PTPN1: variants seen among roughly 807,000 people sequenced by gnomAD.
PTPN1 encodes the protein tyrosine-protein phosphatase non-receptor type 1.
A neutral mutation model predicts 59.9 loss-of-function variants in PTPN1; 12 were observed. That is an observed-to-expected ratio of 0.20 (90% CI 0.13 to 0.32). The LOEUF is 0.32. Ranked by LOEUF, PTPN1 falls within the 10% of genes least tolerant of loss-of-function variation. The pLI is 1.00. For missense variants in PTPN1, 356 were observed against 549.2 expected (o/e 0.65, Z 3.52); for synonymous variants, 178 against 203.6 (o/e 0.87, Z 1.07).
chr20:50,574,138 G>A (rs2082824246), intron 4 of PTPN1: 1 of 169,400 alleles, frequency 5.9e-6, no homozygotes, highest in Non-Finnish European at 1.2e-5. Flanking sequence ...TACATTCTAT[G>A]CCAGCAGCCT....
intron 1 of PTPN1, among the ~76,000 whole-genome samples, chr20:50,553,328 T>C (rs1191618921): frequency 6.6e-6 from 1 of 152,154 alleles, no homozygotes; most frequent in Non-Finnish European, 1.5e-5. Flanking sequence ...AGGAGGCAGA[T>C]TGGGGTTCAA....
At chr20:50,545,363 T>C (rs1208714009) in intron 1 of PTPN1, among the ~76,000 whole-genome samples, 1 of 152,172 alleles carries the variant, frequency 6.6e-6, no homozygotes, top group Non-Finnish European at 1.5e-5. Flanking sequence ...ATGGGTTGTG[T>C]TTCTTGTAAC....
At chr20:50,527,312 G>A (rs562792846) in intron 1 of PTPN1, among the ~76,000 whole-genome samples, 1 of 152,126 alleles carries the variant, frequency 6.6e-6, no homozygotes, top group East Asian at 1.9e-4. Context: ...ATCTTCCAGG[G>A]AAGTGAGGCT....
intron 1 of PTPN1, among the ~76,000 whole-genome samples, chr20:50,547,899 CT>C (rs1204698404): frequency 4.6e-5 from 7 of 152,108 alleles, no homozygotes; most frequent in Admixed American, 1.3e-4. Flanking sequence ...ACAATGGTCC[CT>C]TTTTATTGTA....
At chr20:50,526,853 T>C (rs1187446166) in intron 1 of PTPN1, among the ~76,000 whole-genome samples, 1 of 152,120 alleles carries the variant, frequency 6.6e-6, no homozygotes, top group Non-Finnish European at 1.5e-5. Flanking sequence ...TGGAGCAGGC[T>C]CTTCCCCTGT....
intron 1 of PTPN1, among the ~76,000 whole-genome samples, chr20:50,545,786 C>T (rs2082672570): frequency 6.6e-6 from 1 of 152,072 alleles, no homozygotes; most frequent in Non-Finnish European, 1.5e-5. Context: ...GAGGCCAAGG[C>T]AGGCAGATCG....
Position 50,517,281 on chromosome 20 carries a change from G to A in PTPN1, c.63+6691G>A, listed in dbSNP as rs144395062. On this transcript the variant is annotated intron_variant, in intron 1 of 9. Coordinates refer to ENST00000371621, the MANE Select transcript of PTPN1 (RefSeq NM_002827.4). The stretch of plus-strand genomic sequence containing the variant: ...TTTTTAATATTTTTTTTGAGATGGG[G>A]TCTTGCTGTGTCGTCCAGGCTGGAG... Among the ~76,000 whole-genome samples, 565 of 152,182 alleles carry A rather than the reference G, an allele frequency of 3.7e-3. 1 individual carries two copies. Among genetic ancestry groups the A allele is most frequent in the African/African-American group, 0.013 (545 of 41,506 alleles).
intron 1 of PTPN1, among the ~76,000 whole-genome samples, chr20:50,538,930 C>T (rs960294608): frequency 3.3e-5 from 5 of 151,796 alleles, no homozygotes; most frequent in Admixed American, 6.6e-5. Flanking sequence ...GCCTCTGCCT[C>T]GGACATAGCT....
In PTPN1 at chr20:50,568,938, G is replaced by C. The variant is rs1290887541; in HGVS notation, c.354+460G>C. The stretch of plus-strand genomic sequence containing the variant: ...GAGATTTGCCTCCATTCAGTACCTA[G>C]ACTCTTGCCCTGCCACACCTCTTCG... On this transcript the variant is annotated intron_variant, in intron 4 of 9. Transcript: ENST00000371621. The surrounding 1 kb of genome is among the most constrained non-coding windows in gnomAD (Gnocchi z 5.6). 7.9e-5 allele frequency among the ~76,000 whole-genome samples: 12 copies of C among 152,160 alleles called. No individual in the cohort carries two copies. Among genetic ancestry groups the C allele is most frequent in the Non-Finnish European group, 1.8e-4 (12 of 68,030 alleles).
intron 1 of PTPN1, among the ~76,000 whole-genome samples, chr20:50,538,802 T>G (rs2082635285): frequency 6.6e-6 from 1 of 152,210 alleles, no homozygotes; most frequent in Non-Finnish European, 1.5e-5. Flanking sequence ...TAGCTAATAT[T>G]CATTTCTTCT....
intron 1 of PTPN1, among the ~76,000 whole-genome samples, chr20:50,524,434 C>T (rs2082564347): frequency 6.6e-6 from 1 of 151,976 alleles, no homozygotes; most frequent in African/African-American, 2.4e-5. Context: ...AGCCTTCCCA[C>T]TAGGAATATA....
chr20:50,554,514 T>C (rs2082717724), intron 1 of PTPN1, among the ~76,000 whole-genome samples: 1 of 151,338 alleles, frequency 6.6e-6, no homozygotes, highest in South Asian at 2.1e-4. Flanking sequence ...AGAAGAGAAA[T>C]GATAAAAGAT....
intron 1 of PTPN1, among the ~76,000 whole-genome samples, chr20:50,539,826 T>A (rs2082641826): frequency 6.6e-6 from 1 of 152,026 alleles, no homozygotes; most frequent in South Asian, 2.1e-4. Context: ...TGGTGTTGGC[T>A]GTTTTGGGTT....
intron 1 of PTPN1, among the ~76,000 whole-genome samples, chr20:50,558,974 A>G (rs1308362787): frequency 6.6e-6 from 1 of 151,298 alleles, no homozygotes; most frequent in Non-Finnish European, 1.5e-5. Flanking sequence ...CCAGTGGATT[A>G]CTGGGAAAAG....
intron 1 of PTPN1, among the ~76,000 whole-genome samples, chr20:50,511,844 T>C (rs571142890): frequency 7.9e-4 from 120 of 152,362 alleles, no homozygotes; most frequent in African/African-American, 2.8e-3. Context: ...TGATTCTGTT[T>C]TCAGCTTATA....
At chr20:50,565,825 C>T (rs1211445906) in intron 3 of PTPN1, among the ~76,000 whole-genome samples, 1 of 152,128 alleles carries the variant, frequency 6.6e-6, no homozygotes, top group African/African-American at 2.4e-5. Flanking sequence ...TGGCTTTAGG[C>T]CACAGGGCGA....
intron 1 of PTPN1, among the ~76,000 whole-genome samples, chr20:50,544,806 A>G (rs1263655163): frequency 1.3e-5 from 2 of 152,144 alleles, no homozygotes. Context: ...GGAGTTCGAG[A>G]CTAGCCTGGC....
At position 50,581,257 on chromosome 20, in the gene PTPN1, T is replaced by C; in HGVS notation, c.1089-8T>C. On this transcript the variant is annotated splice_polypyrimidine_tract_variant and splice_region_variant and intron_variant, in intron 8 of 9. Coordinates refer to ENST00000371621, the MANE Select transcript of PTPN1 (RefSeq NM_002827.4). ...TGAGTAACCCATCTCTGCCCTCTGA[T>C]TCCTCAGCATGAGTCAAGACACTGA... 6.3e-7 allele frequency: 1 copy of C among 1,585,722 alleles called. No individual in the cohort carries two copies. The highest frequency in any genetic ancestry group is 8.6e-7 in the Non-Finnish European group (1 of 1,158,404).
intron 1 of PTPN1, among the ~76,000 whole-genome samples, 156 bp downstream of exon 1, chr20:50,510,746 C>G (rs902597660): frequency 1.3e-5 from 2 of 151,092 alleles, no homozygotes; most frequent in African/African-American, 2.4e-5. Flanking sequence ...CGTCCCCCCA[C>G]CCTTTGTCCC....
Sources: gnomAD v4.1 joint callset for allele counts (sites outside exome capture counted in the v4.1 genomes callset) on GRCh38, gnomAD v4.1.1 for gene constraint, Gnocchi (gnomAD v3.1) non-coding constraint, MANE v1.5 for transcripts, NCBI Gene and HGNC (gene_info 2026-07-23, HGNC 2026-07-21) for gene names.